SLC35F3: variants seen among roughly 807,000 people sequenced by gnomAD.
The protein encoded by SLC35F3 is solute carrier family 35 member F3.
Under a neutral mutation model 49.9 loss-of-function variants are expected in SLC35F3, and 25 were observed. The observed-to-expected ratio is 0.50, with a 90% CI of 0.37 to 0.70. The LOEUF (loss-of-function observed/expected upper bound fraction) is 0.70. Ranked by LOEUF, SLC35F3 falls within the 30% of genes least tolerant of loss-of-function variation. The pLI, the probability that SLC35F3 is intolerant of heterozygous loss-of-function variation, is 0.00. For missense variants in SLC35F3, 525 were observed against 639.8 expected (o/e 0.82, Z 1.94); for synonymous variants, 275 against 265.4 (o/e 1.04, Z -0.35).
intron 2 of SLC35F3, among the ~76,000 whole-genome samples, chr1:234,138,511 A>G (rs1188521817): frequency 6.6e-6 from 1 of 152,194 alleles, no homozygotes; most frequent in Non-Finnish European, 1.5e-5. Flanking sequence ...ATTTATGTGG[A>G]TTTGGCAGGG....
Position 234,275,763 on chromosome 1 carries a change from AAT to A in SLC35F3, c.609-33320_609-33319del, listed in dbSNP as rs202037675. On this transcript the variant is annotated intron_variant, in intron 3 of 7. Transcript: ENST00000366618. ...CATTGGTAAGTATTGAAAAAAAAAA[AAT>A]ATATATATATATATATAGCACAGAA... Among the ~76,000 whole-genome samples the A allele has an allele frequency of 7.7e-3, 1,039 of 135,486 alleles. 13 individuals are homozygous for A. Among genetic ancestry groups the A allele is most frequent in the African/African-American group, 0.028 (990 of 35,538 alleles). The allele number at this position is 135,486 out of a possible 152,430, so 88.9% of individuals were successfully genotyped here.
At chr1:233,947,182 C>T (rs1662526028) in intron 2 of SLC35F3, among the ~76,000 whole-genome samples, 1 of 152,140 alleles carries the variant, frequency 6.6e-6, no homozygotes, top group Admixed American at 6.5e-5. Flanking sequence ...GTTTAAAAAA[C>T]CCACTGGGCT....
At position 234,129,714 on chromosome 1, in the gene SLC35F3, A is replaced by G. The variant is rs1283963049; in HGVS notation, c.284-101703A>G. 1.3e-5 allele frequency among the ~76,000 whole-genome samples: 2 copies of G among 152,232 alleles called. 1 individual carries two copies. Among genetic ancestry groups the G allele is most frequent in the Admixed American group, 1.3e-4 (2 of 15,282 alleles). ...AGGACAGTGTAGTATTGGTGTTAGG[A>G]TAGACAAATAGATAATAGAAAAGAA... is the stretch of plus-strand genomic sequence containing the variant. On this transcript the variant is annotated intron_variant, in intron 2 of 7. Coordinates refer to ENST00000366618, the MANE Select transcript of SLC35F3 (RefSeq NM_173508.4).
intron 2 of SLC35F3, among the ~76,000 whole-genome samples, chr1:234,005,260 A>C (rs1663611702): frequency 6.6e-6 from 1 of 152,306 alleles, no homozygotes; most frequent in East Asian, 1.9e-4. Context: ...CAGGACTAAT[A>C]ATAAGGAAGC....
chr1:234,170,542 A>G (rs925950635), intron 2 of SLC35F3, among the ~76,000 whole-genome samples: 1 of 150,392 alleles, frequency 6.6e-6, no homozygotes, highest in African/African-American at 2.4e-5. Context: ...ACCCAAGACA[A>G]CCCCGAGTAA....
At chr1:233,918,697 G>A (rs551789079) in intron 2 of SLC35F3, among the ~76,000 whole-genome samples, 111 of 152,160 alleles carry the variant, frequency 7.3e-4, no homozygotes, top group Middle Eastern at 6.8e-3. Flanking sequence ...AGCCTGGGAG[G>A]CGGAGGTTGC....
intron 2 of SLC35F3, among the ~76,000 whole-genome samples, chr1:234,210,625 T>C (rs1667034191): frequency 6.6e-6 from 1 of 152,180 alleles, no homozygotes; most frequent in African/African-American, 2.4e-5. Context: ...AGAGAGATGA[T>C]TTAGGTTATC....
chr1:234,308,936 A>G (rs1251780624), intron 3 of SLC35F3, among the ~76,000 whole-genome samples, 165 bp from the exon 4 acceptor site: 2 of 152,166 alleles, frequency 1.3e-5, no homozygotes, highest in African/African-American at 4.8e-5. Flanking sequence ...GGACTAAAGC[A>G]ATAGGTTGAA....
intron 2 of SLC35F3, among the ~76,000 whole-genome samples, chr1:233,958,098 C>T (rs1007409765): frequency 7.9e-5 from 12 of 152,288 alleles, no homozygotes; most frequent in Middle Eastern, 6.8e-3. Flanking sequence ...CTCTTAGAGA[C>T]GAGGCAGGAC....
intron 2 of SLC35F3, among the ~76,000 whole-genome samples, chr1:233,985,687 T>G (rs2102824402): frequency 6.6e-6 from 1 of 152,324 alleles, no homozygotes; most frequent in East Asian, 1.9e-4. Flanking sequence ...CTTTAGACAT[T>G]CTGGGGGTGC....
intron 2 of SLC35F3, among the ~76,000 whole-genome samples, chr1:234,228,926 A>G (rs1415841861): frequency 6.6e-6 from 1 of 152,256 alleles, no homozygotes; most frequent in Non-Finnish European, 1.5e-5. Flanking sequence ...GTTTAGCAGT[A>G]TGAAGAATGA....
At position 234,177,164 on chromosome 1, in the gene SLC35F3, C is replaced by T. The variant is rs545079154; in HGVS notation, c.284-54253C>T. Among the ~76,000 whole-genome samples the T allele has an allele frequency of 2.0e-5, 3 of 152,300 alleles. No homozygotes were observed. In the South Asian group the frequency reaches 6.2e-4, roughly 32 times the overall value. ...TTTTAAAAATGGGAGTTTCCCTGCA[C>T]AAGTGCTCTCTCTTTGCCTGCTGCC... On this transcript the variant is annotated intron_variant, in intron 2 of 7. Coordinates refer to ENST00000366618, the MANE Select transcript of SLC35F3 (RefSeq NM_173508.4).
At chr1:234,155,081 A>G (rs1212669833) in intron 2 of SLC35F3, among the ~76,000 whole-genome samples, 1 of 152,194 alleles carries the variant, frequency 6.6e-6, no homozygotes, top group Non-Finnish European at 1.5e-5. Flanking sequence ...TGCTATGTTA[A>G]TAGTTGTTAT....
At chr1:234,315,425 A>G (rs2102996912) in intron 4 of SLC35F3, among the ~76,000 whole-genome samples, 1 of 152,334 alleles carries the variant, frequency 6.6e-6, no homozygotes, top group South Asian at 2.1e-4. Context: ...TCCTGTTTAT[A>G]TATGTAAGCA....
At position 234,062,744 on chromosome 1, in the gene SLC35F3, A is replaced by G. The variant is rs541951387; in HGVS notation, c.283+156986A>G. Reference sequence around the variant, plus strand: ...GCCCAGGCTGGAGTACAGTGGCGCAATCTCCTTTCCCTGCAAGCTCTGCCC... The same window carrying G: ...GCCCAGGCTGGAGTACAGTGGCGCAGTCTCCTTTCCCTGCAAGCTCTGCCC... On this transcript the variant is annotated intron_variant, in intron 2 of 7. Transcript: ENST00000366618. 1.1e-4 allele frequency among the ~76,000 whole-genome samples: 16 copies of G among 150,988 alleles called. 1 individual carries two copies. The highest frequency in any genetic ancestry group is 7.9e-4 in the Admixed American group (12 of 15,202).
At chr1:233,980,982 G>T (rs1036264121) in intron 2 of SLC35F3, among the ~76,000 whole-genome samples, 1 of 152,066 alleles carries the variant, frequency 6.6e-6, no homozygotes, top group Non-Finnish European at 1.5e-5. Context: ...GTTCATTTTT[G>T]TCCTCCTAAC....
chr1:233,943,227 T>A (rs1207039246), intron 2 of SLC35F3, among the ~76,000 whole-genome samples: 2 of 152,238 alleles, frequency 1.3e-5, no homozygotes, highest in Non-Finnish European at 2.9e-5. Context: ...CTTATTTGGC[T>A]TATAAGCTAA....
At chr1:234,191,629 CAA>C (rs923805164) in intron 2 of SLC35F3, among the ~76,000 whole-genome samples, 1 of 127,802 alleles carries the variant, frequency 7.8e-6, no homozygotes, top group Non-Finnish European at 1.5e-5. Flanking sequence ...GAAACAACAA[CAA>C]AAAAAAATAC....
Position 233,905,668 on chromosome 1 carries a change from A to G in SLC35F3, c.193A>G (p.Ser65Gly), listed in dbSNP as rs1476428651. The G allele has an allele frequency of 1.9e-6, 3 of 1,614,164 alleles. No individual in the cohort carries two copies. The highest frequency in any genetic ancestry group is 2.5e-6 in the Non-Finnish European group (3 of 1,180,026). ...KWSRSVEDLT[S>G]GPVGLTSIEE... is the part of the protein sequence containing the mutation. ...GTCGCGCTCCGTGGAGGATCTCACC[A>G]GCGGGCCGGTGGGGCTCACGTCCAT... Residue 65 changes from serine to glycine, a missense_variant, in exon 2 of 8, where the codon AGC becomes GGC. By Grantham distance (56) the Ser-to-Gly change is moderately conservative. This residue lies in a region of SLC35F3 where 228 missense variants were observed against 218.9 expected (regional missense o/e 1.04). Transcript: ENST00000366618.
Sources: gnomAD v4.1 joint callset for allele counts (sites outside exome capture counted in the v4.1 genomes callset) on GRCh38, gnomAD v4.1.1 for gene constraint, gnomAD v4.1.1 regional missense constraint, MANE v1.5 for transcripts, NCBI Gene and HGNC (gene_info 2026-07-23, HGNC 2026-07-21) for gene names.